The following RSBN1 variants were observed in gnomAD, a reference collection of about 807,000 sequenced individuals.
RSBN1 encodes the protein lysine-specific demethylase 9.
A neutral mutation model predicts 74.8 loss-of-function variants in RSBN1; 23 were observed. That is an observed-to-expected ratio of 0.31 (90% CI 0.22 to 0.44). The LOEUF (loss-of-function observed/expected upper bound fraction) is 0.44, where lower values mean the gene tolerates loss of function less well. Ranked by LOEUF, RSBN1 falls within the 20% of genes least tolerant of loss-of-function variation. The pLI, the probability that RSBN1 is intolerant of heterozygous loss-of-function variation, is 1.00. For synonymous variants in RSBN1, 407 were observed against 379.6 expected (o/e 1.07, Z -0.84); for missense variants, 808 against 1,020.9 (o/e 0.79, Z 2.84).
In RSBN1 at chr1:113,811,944, C is replaced by A; in HGVS notation, c.469G>T (p.Ala157Ser). The A allele has an allele frequency of 6.3e-7, 1 of 1,589,848 alleles. No individual in the cohort carries two copies. Among genetic ancestry groups the A allele is most frequent in the Admixed American group, 1.8e-5 (1 of 56,180 alleles). Residue 157 changes from alanine to serine, a missense_variant, in exon 1 of 7, where the codon GCT becomes TCT. Physicochemically the swap from Ala to Ser is moderately conservative, Grantham distance 99. This residue lies in a region of RSBN1 where 464 missense variants were observed against 401.0 expected (regional missense o/e 1.16). Transcript: ENST00000261441. ...GGGGCCGGGAGAGGGGCAGCGACAG[C>A]GGGCCCGGCGGGTGCCAGCGAAGGT... ...PPPSLAPAGP[A>S]VAAPLPAPST... is the part of the protein sequence containing the mutation.
chr1:113,792,601 G>A (rs138585588), intron 2 of RSBN1, among the ~76,000 whole-genome samples: 1 of 152,314 alleles, frequency 6.6e-6, no homozygotes, highest in African/African-American at 2.4e-5. Flanking sequence ...CTACTCTAGA[G>A]GCTGAGGCAC....
intron 3 of RSBN1, 147 bp downstream of exon 3, chr1:113,777,524 G>T: frequency 1.1e-6 from 1 of 917,862 alleles, no homozygotes; most frequent in Non-Finnish European, 1.6e-6. Flanking sequence ...TAAGTACTTT[G>T]TACTAATATT....
At chr1:113,787,175 G>A (rs1660261175) in intron 2 of RSBN1, among the ~76,000 whole-genome samples, 1 of 152,172 alleles carries the variant, frequency 6.6e-6, no homozygotes, top group Middle Eastern at 3.2e-3. Context: ...GTGTGATCAT[G>A]TTTCAACACT....
chr1:113,796,485 CA>C (rs1660474613), intron 2 of RSBN1, among the ~76,000 whole-genome samples: 1 of 151,834 alleles, frequency 6.6e-6, no homozygotes, highest in East Asian at 1.9e-4. Flanking sequence ...ATTACGGCAA[CA>C]ATCTATTTAC....
At chr1:113,769,521 T>A (rs1178489046) in intron 4 of RSBN1, among the ~76,000 whole-genome samples, 2 of 152,210 alleles carry the variant, frequency 1.3e-5, no homozygotes, top group Non-Finnish European at 2.9e-5. Flanking sequence ...TGATTGTATA[T>A]TAAACACACA....
In RSBN1 at chr1:113,768,289, C is replaced by T; in HGVS notation, c.1759G>A (p.Gly587Ser). The change falls in exon 5 of 7, where the codon GGT becomes AGT. Residue 587 changes from glycine to serine, a missense_variant. Gly to Ser is a moderately conservative substitution (Grantham distance 56). Transcript: ENST00000261441. The stretch of plus-strand genomic sequence containing the variant: ...GTACTCTGCCAGTCAAACCCCTGAC[C>T]GACATGATCAGCATGAGCTCTAGTC... ...DRTRAHADHVGQGFDWQSTAA... is the reference protein window; with the variant it reads ...DRTRAHADHVSQGFDWQSTAA... The T allele has an allele frequency of 2.5e-6, 4 of 1,613,700 alleles. No homozygotes were observed. The highest frequency in any genetic ancestry group is 1.1e-5 in the South Asian group (1 of 91,038).
intron 1 of RSBN1, among the ~76,000 whole-genome samples, chr1:113,801,409 G>C (rs1571309835): frequency 1.3e-5 from 2 of 152,072 alleles, no homozygotes; most frequent in Admixed American, 1.3e-4. Context: ...ATTTATTATT[G>C]AATTACCGTG....
chr1:113,771,791 A>T (rs1394113962), intron 4 of RSBN1, among the ~76,000 whole-genome samples: 1 of 148,746 alleles, frequency 6.7e-6, no homozygotes, highest in Non-Finnish European at 1.5e-5. Flanking sequence ...ATGGTCAAGA[A>T]AAGTTTATGT....
chr1:113,768,454 T>C (rs1210833405), intron 4 of RSBN1, 65 bp from the exon 5 acceptor site: 3 of 1,345,530 alleles, frequency 2.2e-6, no homozygotes, highest in African/African-American at 2.9e-5. Context: ...AAAAAATTAA[T>C]TAATAGCAGT....
At chr1:113,798,088 C>T in intron 1 of RSBN1, 52 bp from the exon 2 acceptor site, 2 of 1,486,896 alleles carry the variant, frequency 1.3e-6, no homozygotes, top group Non-Finnish European at 1.8e-6. Flanking sequence ...TGTCAACATA[C>T]AAGCTTCTTA....
chr1:113,801,857 C>A (rs1229605270), intron 1 of RSBN1, among the ~76,000 whole-genome samples: 1 of 152,108 alleles, frequency 6.6e-6, no homozygotes, highest in East Asian at 1.9e-4. Context: ...TTAATAAGAT[C>A]CTCATATGTG....
At chr1:113,793,677 CTTTT>C (rs10707246) in intron 2 of RSBN1, among the ~76,000 whole-genome samples, 1 of 146,526 alleles carries the variant, frequency 6.8e-6, no homozygotes, top group Non-Finnish European at 1.5e-5. Flanking sequence ...CCTAAGAGTT[CTTTT>C]TTTTTTTTTC....
intron 2 of RSBN1, among the ~76,000 whole-genome samples, chr1:113,784,764 C>T (rs988604823): frequency 1.2e-4 from 18 of 152,108 alleles, no homozygotes; most frequent in South Asian, 4.1e-4. Context: ...GGACCCCTGC[C>T]GTAGATACCT....
Position 113,807,055 on chromosome 1 carries a change from G to A in RSBN1, c.703+4655C>T, listed in dbSNP as rs530046993. 2.6e-5 allele frequency among the ~76,000 whole-genome samples: 4 copies of A among 152,108 alleles called. No homozygotes were observed. In the South Asian group the frequency reaches 8.3e-4, roughly 32 times the overall value. On this transcript the variant is annotated intron_variant, in intron 1 of 6. Transcript: ENST00000261441. ...AGGCTGGGCGTGGTGGCTCATGCCT[G>A]TAATCCCAGCACTTTGGGAGACCAA...
rs538861210 is a variant in RSBN1 at position 113,774,011 on chromosome 1, T to C, written c.1658+3199A>G. Among the ~76,000 whole-genome samples, 441 of 150,798 alleles carry C rather than the reference T, an allele frequency of 2.9e-3. 1 individual carries two copies. The highest frequency in any genetic ancestry group is 2.8e-3 in the Non-Finnish European group (192 of 67,600). Reference sequence around the variant, plus strand: ...AGTGAGACTCCATCTCAAAAAATATTAAAAAAAAAGAAAACAAACACGCAT... The same window carrying C: ...AGTGAGACTCCATCTCAAAAAATATCAAAAAAAAAGAAAACAAACACGCAT... On this transcript the variant is annotated intron_variant, in intron 4 of 6. Transcript: ENST00000261441.
chr1:113,761,839 C>T lies in RSBN1; in HGVS notation c.*4141G>A, dbSNP rs1659683757. 1.3e-5 allele frequency: 2 copies of T among 150,570 alleles called. No homozygotes were observed. The highest frequency in any genetic ancestry group is 4.2e-4 in the South Asian group (2 of 4,774). 9.3% of individuals were successfully genotyped at this position (150,570 alleles called of 1,614,324 possible). A position where few individuals can be genotyped will look rare whatever the true frequency, so the allele number is the denominator to read the frequency against. On this transcript the variant is annotated 3_prime_UTR_variant, in exon 7 of 7. Transcript: ENST00000261441. ...TTTGTGATGAAACACCAGTAAAGGA[C>T]AAATCAGACTTTTTTTATTAAAAAA...
At chr1:113,805,315 T>A (rs1660680201) in intron 1 of RSBN1, among the ~76,000 whole-genome samples, 1 of 152,094 alleles carries the variant, frequency 6.6e-6, no homozygotes, top group South Asian at 2.1e-4. Context: ...GGTGTCAAAC[T>A]CCCGACCTCG....
chr1:113,786,996 C>T (rs1320421644), intron 2 of RSBN1, among the ~76,000 whole-genome samples: 1 of 152,128 alleles, frequency 6.6e-6, no homozygotes, highest in Non-Finnish European at 1.5e-5. Context: ...TTCTTGCCTA[C>T]TTATTTTTGC....
At chr1:113,774,419 A>G (rs1659946594) in intron 4 of RSBN1, among the ~76,000 whole-genome samples, 1 of 152,120 alleles carries the variant, frequency 6.6e-6, no homozygotes, top group Non-Finnish European at 1.5e-5. Context: ...TCACGCCTGT[A>G]ATCCCAGCAC....
Sources: allele counts gnomAD v4.1 joint callset (sites outside exome capture counted in the v4.1 genomes callset), GRCh38; gene constraint gnomAD v4.1.1; regional missense constraint gnomAD v4.1.1; transcripts MANE v1.5; gene names NCBI Gene and HGNC (gene_info 2026-07-23, HGNC 2026-07-21).